Variants in PTPRN2 observed in about 807,000 individuals in gnomAD.
PTPRN2 encodes protein tyrosine phosphatase receptor type N2.
Under a neutral mutation model 118.8 loss-of-function variants are expected in PTPRN2, and 74 were observed. The observed-to-expected ratio is 0.62, with a 90% confidence interval of 0.52 to 0.76. The LOEUF (loss-of-function observed/expected upper bound fraction) is 0.76, where lower values mean the gene tolerates loss of function less well. PTPRN2 is among the 30% of genes least tolerant of loss of function. The probability of loss-of-function intolerance (pLI) is 0.00; values close to 1 mark genes in which losing one functional copy is unlikely to be tolerated. For missense variants in PTPRN2, 1,481 were observed against 1,394.4 expected (o/e 1.06, Z -0.99); for synonymous variants, 641 against 608.0 (o/e 1.05, Z -0.80).
At chr7:157,669,187 G>A (rs1415901476) in intron 13 of PTPRN2, among the ~76,000 whole-genome samples, 1 of 152,198 alleles carries the variant, frequency 6.6e-6, no homozygotes, top group East Asian at 1.9e-4. Context: ...CACTTCTGGA[G>A]AGCAAATGGC....
intron 2 of PTPRN2, among the ~76,000 whole-genome samples, chr7:158,324,382 C>T (rs60775629): frequency 7.0e-4 from 107 of 152,222 alleles, no homozygotes; most frequent in African/African-American, 2.5e-3. Context: ...TGGAGATGTC[C>T]GTGGAAGTGT....
chr7:157,810,753 C>G (rs997325879), intron 12 of PTPRN2, among the ~76,000 whole-genome samples: 3 of 137,538 alleles, frequency 2.2e-5, no homozygotes, highest in African/African-American at 8.3e-5. Context: ...TCCACGGGGA[C>G]GGCGGGACTG....
chr7:157,771,955 T>G (rs1404588694), intron 12 of PTPRN2, among the ~76,000 whole-genome samples: 2 of 114,840 alleles, frequency 1.7e-5, no homozygotes, highest in African/African-American at 8.5e-5. Flanking sequence ...AAGACACACA[T>G]ACAGACAGAC....
chr7:157,948,426 C>T (rs1023927681), intron 11 of PTPRN2, among the ~76,000 whole-genome samples: 2 of 151,404 alleles, frequency 1.3e-5, no homozygotes, highest in African/African-American at 4.9e-5. Context: ...ATGGTAACCA[C>T]TAAGAAAATA....
chr7:158,387,580 T>TGAAGCACTCTC (rs1272056517), intron 2 of PTPRN2, among the ~76,000 whole-genome samples: 5 of 6,994 alleles, frequency 7.1e-4, no homozygotes, highest in African/African-American at 1.6e-3. Flanking sequence ...TCAGCTCAGC[T>TGAAGCACTCTC]TGGCCCGGCC....
chr7:157,836,997 C>T (rs962670979), intron 12 of PTPRN2, among the ~76,000 whole-genome samples: 8 of 150,034 alleles, frequency 5.3e-5, no homozygotes, highest in Non-Finnish European at 1.0e-4. Context: ...CCATGCATCC[C>T]TCCATCCACC....
rs900641996 is a variant in PTPRN2, at chr7:157,611,090, G to A, written c.2345-7015C>T. Among the ~76,000 whole-genome samples, 4 of 152,222 alleles carry A rather than the reference G, an allele frequency of 2.6e-5. No individual in the cohort carries two copies. The highest frequency in any genetic ancestry group is 5.9e-5 in the Non-Finnish European group (4 of 68,048). ...CGCTGAGCTGAATAACCGAGCGCGA[G>A]GCTGGTGTCCGGCTTCCACACTGGA... On this transcript the variant is annotated intron_variant, in intron 15 of 22. Transcript: ENST00000389418. The surrounding 1 kb of genome is among the most constrained non-coding windows in gnomAD (Gnocchi z 5.9).
intron 11 of PTPRN2, among the ~76,000 whole-genome samples, chr7:158,068,204 T>C (rs1247130853): frequency 6.6e-6 from 1 of 152,166 alleles, no homozygotes. Context: ...TCCCTCAGTG[T>C]CCCTGTCACT....
chr7:157,658,655 G>A (rs966226960), intron 13 of PTPRN2, among the ~76,000 whole-genome samples: 7 of 152,212 alleles, frequency 4.6e-5, no homozygotes, highest in African/African-American at 1.4e-4. Context: ...CCCCCCTGAC[G>A]TCTGACCAAC....
intron 3 of PTPRN2, among the ~76,000 whole-genome samples, chr7:158,262,510 A>ACG (rs2150930048): frequency 6.7e-6 from 1 of 149,172 alleles, no homozygotes; most frequent in East Asian, 2.0e-4. Flanking sequence ...CACACACTGC[A>ACG]CACACATTCA....
intron 3 of PTPRN2, among the ~76,000 whole-genome samples, chr7:158,299,300 A>ATT (rs35390191): frequency 0.01 from 1,450 of 144,108 alleles, 8 homozygotes; most frequent in African/African-American, 0.013. Flanking sequence ...TCAGGAAGCA[A>ATT]TTTTTTTTTT....
chr7:157,675,706 G>A (rs907981894), intron 13 of PTPRN2, among the ~76,000 whole-genome samples: 7 of 152,230 alleles, frequency 4.6e-5, no homozygotes, highest in South Asian at 2.1e-4. Flanking sequence ...ACTGACAGTC[G>A]CTGCAGACCG....
At chr7:157,659,592 T>C (rs1795794024) in intron 13 of PTPRN2, among the ~76,000 whole-genome samples, 1 of 151,882 alleles carries the variant, frequency 6.6e-6, no homozygotes, top group Non-Finnish European at 1.5e-5. Flanking sequence ...AGTTCCTTCT[T>C]TCCCATACAT....
chr7:157,951,852 G>A (rs1165647476), intron 11 of PTPRN2, among the ~76,000 whole-genome samples: 1 of 152,204 alleles, frequency 6.6e-6, no homozygotes, highest in Non-Finnish European at 1.5e-5. Flanking sequence ...CAGTGAGTCA[G>A]CCATGGTTGG....
intron 13 of PTPRN2, among the ~76,000 whole-genome samples, chr7:157,663,850 A>G (rs1465732591): frequency 6.6e-6 from 1 of 152,228 alleles, no homozygotes; most frequent in African/African-American, 2.4e-5. Flanking sequence ...CTTTACCTTA[A>G]CATTTAAAAA....
chr7:157,993,277 A>T (rs1002174579), intron 11 of PTPRN2, among the ~76,000 whole-genome samples: 2 of 152,022 alleles, frequency 1.3e-5, no homozygotes, highest in South Asian at 4.2e-4. Context: ...ATTAAGACCA[A>T]GGACAAAAGA....
intron 15 of PTPRN2, among the ~76,000 whole-genome samples, chr7:157,613,715 G>T (rs79751613): frequency 0.011 from 1,678 of 152,272 alleles, 27 homozygotes; most frequent in African/African-American, 0.039. Flanking sequence ...TGCCAGAATC[G>T]TCTCCCTAAC....
intron 9 of PTPRN2, among the ~76,000 whole-genome samples, chr7:158,124,470 T>A (rs1458885051): frequency 1.3e-5 from 2 of 152,254 alleles, no homozygotes; most frequent in Admixed American, 6.5e-5. Flanking sequence ...AGGCTGTACA[T>A]CTGGTTTACT....
intron 12 of PTPRN2, among the ~76,000 whole-genome samples, chr7:157,835,649 G>A (rs1807881490): frequency 6.6e-6 from 1 of 152,184 alleles, no homozygotes; most frequent in African/African-American, 2.4e-5. Flanking sequence ...GGGTGCAGGG[G>A]CGAAATTAAC....
Sources: gnomAD v4.1 joint callset for allele counts (sites outside exome capture counted in the v4.1 genomes callset) on GRCh38, gnomAD v4.1.1 for gene constraint, Gnocchi (gnomAD v3.1) non-coding constraint, MANE v1.5 for transcripts, NCBI Gene and HGNC (gene_info 2026-07-23, HGNC 2026-07-21) for gene names.